ESRRG: variants seen among roughly 807,000 people sequenced by gnomAD.
ESRRG encodes estrogen-related receptor gamma.
ESRRG carries 13 observed loss-of-function variants against 44.0 expected under a neutral mutation model. That is an observed-to-expected ratio of 0.30 (90% CI 0.19 to 0.47). The LOEUF (loss-of-function observed/expected upper bound fraction) is 0.47. ESRRG is among the 20% of genes least tolerant of loss of function. ESRRG has a pLI of 1.00. For missense variants in ESRRG, 395 were observed against 580.6 expected (o/e 0.68, Z 3.29); for synonymous variants, 215 against 214.6 (o/e 1.00, Z -0.02).
intron 1 of ESRRG, among the ~76,000 whole-genome samples, chr1:216,696,940 G>A (rs1348807951): frequency 6.6e-6 from 1 of 151,624 alleles, no homozygotes; most frequent in African/African-American, 2.4e-5. Flanking sequence ...CAAAATTAAA[G>A]TACTACTACA....
At chr1:217,038,018 G>T (rs574508446) in intron 1 of ESRRG, among the ~76,000 whole-genome samples, 1 of 152,310 alleles carries the variant, frequency 6.6e-6, no homozygotes, top group East Asian at 1.9e-4. Flanking sequence ...CTATGGCTTT[G>T]CAGGGTACAG....
intron 1 of ESRRG, among the ~76,000 whole-genome samples, chr1:217,022,439 T>C (rs1286898226): frequency 2.0e-5 from 3 of 152,224 alleles, no homozygotes. Flanking sequence ...AGGATTCCCA[T>C]ATGCAAACGG....
chr1:216,560,364 C>T (rs1486455902), intron 5 of ESRRG, among the ~76,000 whole-genome samples: 20 of 151,992 alleles, frequency 1.3e-4, no homozygotes, highest in Non-Finnish European at 2.8e-4. Flanking sequence ...TGAAGATTTG[C>T]CATATTAATA....
At chr1:216,546,026 C>A (rs764714854) in intron 5 of ESRRG, among the ~76,000 whole-genome samples, 1 of 151,980 alleles carries the variant, frequency 6.6e-6, no homozygotes, top group Non-Finnish European at 1.5e-5. Flanking sequence ...GAATAAGAAA[C>A]TAAAAAACTC....
chr1:216,569,111 A>AGGAAGGAAGGAAGGAAGGAG (rs1553355981), intron 3 of ESRRG, among the ~76,000 whole-genome samples: 1 of 104,362 alleles, frequency 9.6e-6, no homozygotes, highest in South Asian at 4.0e-4. Context: ...GAAGGAAGGA[A>AGGAAGGAAGGAAGGAAGGAG]GAAGGAAGGA....
intron 2 of ESRRG, among the ~76,000 whole-genome samples, chr1:216,778,672 C>G (rs1342517769): frequency 2.0e-5 from 3 of 151,896 alleles, no homozygotes; most frequent in Non-Finnish European, 2.9e-5. Context: ...AGGAGCCATA[C>G]TTTTGGCTGA....
chr1:216,789,838 C>G (rs989069981), intron 2 of ESRRG, among the ~76,000 whole-genome samples: 2 of 152,134 alleles, frequency 1.3e-5, no homozygotes, highest in Non-Finnish European at 2.9e-5. Flanking sequence ...AGTGTAAGAT[C>G]TGTATTCCAG....
At chr1:217,132,547 A>T (rs1240085238) in intron 1 of ESRRG, among the ~76,000 whole-genome samples, 1 of 152,202 alleles carries the variant, frequency 6.6e-6, no homozygotes, top group East Asian at 1.9e-4. Context: ...GCACCACGAA[A>T]AACACAATTT....
chr1:216,837,965 G>C (rs11117691), intron 2 of ESRRG, among the ~76,000 whole-genome samples: 1 of 152,094 alleles, frequency 6.6e-6, no homozygotes, highest in Non-Finnish European at 1.5e-5. Context: ...CCAAAATATG[G>C]ATATAAATGA....
At chr1:216,650,401 A>G (rs1183087645) in intron 3 of ESRRG, among the ~76,000 whole-genome samples, 1 of 152,194 alleles carries the variant, frequency 6.6e-6, no homozygotes. Flanking sequence ...GGCTCCACCA[A>G]TTATAAACTG....
intron 1 of ESRRG, among the ~76,000 whole-genome samples, chr1:217,059,714 T>C (rs867216204): frequency 6.6e-6 from 1 of 152,038 alleles, no homozygotes; most frequent in African/African-American, 2.4e-5. Context: ...AGGTACCAAT[T>C]TGCAGGAAAT....
At chr1:217,050,164 T>A (rs2085648157) in intron 1 of ESRRG, among the ~76,000 whole-genome samples, 1 of 152,154 alleles carries the variant, frequency 6.6e-6, no homozygotes, top group Non-Finnish European at 1.5e-5. Flanking sequence ...ACCTCAAGGA[T>A]CATCTACAGT....
chr1:216,733,427 C>T (rs936029498), intron 2 of ESRRG, among the ~76,000 whole-genome samples: 7 of 152,130 alleles, frequency 4.6e-5, no homozygotes, highest in African/African-American at 1.4e-4. Context: ...GTACTGCCCA[C>T]GTTCTGCCCC....
At chr1:216,638,230 T>C (rs1291506765) in intron 3 of ESRRG, among the ~76,000 whole-genome samples, 4 of 152,204 alleles carry the variant, frequency 2.6e-5, no homozygotes, top group South Asian at 4.1e-4. Context: ...ATTACATATA[T>C]TATCTCATTT....
rs532026924 is a variant in ESRRG at position 216,909,591 on chromosome 1, G to A, written c.-14+29991C>T. Among the ~76,000 whole-genome samples, 8 of 152,132 alleles carry A rather than the reference G, an allele frequency of 5.3e-5. No individual in the cohort carries two copies. In the East Asian group the frequency reaches 1.5e-3, roughly 29 times the overall value. On this transcript the variant is annotated intron_variant, in intron 2 of 7. Coordinates refer to the ESRRG transcript ENST00000359162. ...GTTGAGACAGGGTTTTTCCATGTTGGCCAGGCTGGTCTCAAACTCCTGGCC... is the reference window on the plus strand; with the variant it reads ...GTTGAGACAGGGTTTTTCCATGTTGACCAGGCTGGTCTCAAACTCCTGGCC...
chr1:216,808,910 AT>A (rs543011037), intron 2 of ESRRG, among the ~76,000 whole-genome samples: 37 of 151,854 alleles, frequency 2.4e-4, no homozygotes, highest in South Asian at 1.7e-3. Context: ...TTTTCCTCCT[AT>A]TTTTTTCTTT....
intron 5 of ESRRG, among the ~76,000 whole-genome samples, chr1:216,525,586 A>G (rs1016703417): frequency 3.3e-5 from 5 of 152,186 alleles, no homozygotes; most frequent in African/African-American, 1.2e-4. Context: ...GTTGAAAATA[A>G]GTTCTGCCTG....
chr1:216,997,126 T>C (rs1468709110), intron 1 of ESRRG, among the ~76,000 whole-genome samples: 1 of 152,190 alleles, frequency 6.6e-6, no homozygotes, highest in African/African-American at 2.4e-5. Flanking sequence ...CAGTAGAATA[T>C]TAAAGACAGA....
intron 1 of ESRRG, chr1:216,681,906 A>G (rs1340312447): frequency 1.3e-5 from 2 of 152,184 alleles, no homozygotes. Flanking sequence ...ATCCAGGTAA[A>G]TGTGTGATCG....
Sources: gnomAD v4.1 joint callset for allele counts (sites outside exome capture counted in the v4.1 genomes callset) on GRCh38, gnomAD v4.1.1 for gene constraint, MANE v1.5 for transcripts, NCBI Gene and HGNC (gene_info 2026-07-23, HGNC 2026-07-21) for gene names.